Variants in FNBP1L observed in about 807,000 individuals in gnomAD.
FNBP1L encodes formin binding protein 1 like.
Under a neutral mutation model 91.2 loss-of-function variants are expected in FNBP1L, and 36 were observed. That is an observed-to-expected ratio of 0.39 (90% CI 0.30 to 0.52). The LOEUF (loss-of-function observed/expected upper bound fraction) is 0.52, where lower values mean the gene tolerates loss of function less well. Among genes scored for constraint, FNBP1L ranks in the 20% least tolerant of loss-of-function variants. FNBP1L has a pLI of 0.66. For synonymous variants in FNBP1L, 242 were observed against 237.0 expected (o/e 1.02, Z -0.19); for missense variants, 571 against 732.1 (o/e 0.78, Z 2.54).
intron 7 of FNBP1L, among the ~76,000 whole-genome samples, chr1:93,532,432 A>G (rs1671706465): frequency 1.4e-5 from 2 of 138,226 alleles, no homozygotes; most frequent in South Asian, 4.6e-4. Context: ...GCGCAACTGC[A>G]CTCCATCCAG....
intron 10 of FNBP1L, among the ~76,000 whole-genome samples, chr1:93,537,981 C>T (rs1254101034): frequency 6.6e-6 from 1 of 152,132 alleles, no homozygotes; most frequent in Non-Finnish European, 1.5e-5. Flanking sequence ...GCATGAACCA[C>T]TACTCCTCTG....
At chr1:93,530,715 A>AT in intron 6 of FNBP1L, 40 bp from the exon 7 acceptor site, 2 of 1,577,860 alleles carry the variant, frequency 1.3e-6, no homozygotes, top group South Asian at 2.4e-5. Context: ...AATTGCTGTG[A>AT]TTTTGTTGTT....
At chr1:93,454,135 T>C (rs1244074538) in intron 1 of FNBP1L, among the ~76,000 whole-genome samples, 1 of 152,242 alleles carries the variant, frequency 6.6e-6, no homozygotes, top group Non-Finnish European at 1.5e-5. Flanking sequence ...TGCTGTATCC[T>C]GCCTGGATTA....
chr1:93,469,210 T>C (rs562844846), intron 1 of FNBP1L, among the ~76,000 whole-genome samples: 1 of 152,116 alleles, frequency 6.6e-6, no homozygotes, highest in Non-Finnish European at 1.5e-5. Flanking sequence ...ACATTAGATA[T>C]TTCTCCTAAC....
At chr1:93,530,987 C>CT in intron 7 of FNBP1L, 104 bp downstream of exon 7, 1 of 937,104 alleles carries the variant, frequency 1.1e-6, no homozygotes, top group Non-Finnish European at 1.5e-6. Flanking sequence ...CACTAGACAT[C>CT]AGGGTTGGGG....
chr1:93,483,971 C>G (rs1177186810), intron 1 of FNBP1L, among the ~76,000 whole-genome samples: 1 of 152,174 alleles, frequency 6.6e-6, no homozygotes, highest in Non-Finnish European at 1.5e-5. Context: ...CTCTGTTGCC[C>G]AGGCCAGAGT....
chr1:93,494,783 A>G (rs2101720758), intron 1 of FNBP1L, among the ~76,000 whole-genome samples: 1 of 152,336 alleles, frequency 6.6e-6, no homozygotes, highest in African/African-American at 2.4e-5. Context: ...ATTGACTCAC[A>G]GTTAGTTCCA....
intron 2 of FNBP1L, among the ~76,000 whole-genome samples, chr1:93,510,673 T>G (rs1001686892): frequency 2.6e-5 from 4 of 152,102 alleles, no homozygotes; most frequent in Admixed American, 2.6e-4. Flanking sequence ...CAGGAGGACA[T>G]TCAAACCAAA....
intron 1 of FNBP1L, among the ~76,000 whole-genome samples, chr1:93,493,253 G>A (rs1172063173): frequency 6.6e-6 from 1 of 151,824 alleles, no homozygotes; most frequent in Non-Finnish European, 1.5e-5. Flanking sequence ...GGAGACTGAG[G>A]CTGGAGGACG....
At chr1:93,461,353 T>A (rs1163242339) in intron 1 of FNBP1L, among the ~76,000 whole-genome samples, 1 of 152,086 alleles carries the variant, frequency 6.6e-6, no homozygotes, top group Non-Finnish European at 1.5e-5. Context: ...GGGAGCACAG[T>A]TTGAATTTTT....
chr1:93,495,179 TA>T (rs1670221923), intron 1 of FNBP1L, among the ~76,000 whole-genome samples: 1 of 152,176 alleles, frequency 6.6e-6, no homozygotes. Context: ...AAAATAGAAA[TA>T]TTTTTTAGGA....
intron 2 of FNBP1L, among the ~76,000 whole-genome samples, chr1:93,517,357 ACT>A (rs1671163592): frequency 6.7e-6 from 1 of 150,298 alleles, no homozygotes; most frequent in Non-Finnish European, 1.5e-5. Flanking sequence ...ACAGGGTCTC[ACT>A]CTCTTTCCCA....
intron 1 of FNBP1L, among the ~76,000 whole-genome samples, chr1:93,473,244 A>G (rs1269312408): frequency 1.3e-5 from 2 of 152,178 alleles, no homozygotes; most frequent in African/African-American, 4.8e-5. Flanking sequence ...TCTGGTCAAA[A>G]ATCTTTCTGA....
intron 1 of FNBP1L, among the ~76,000 whole-genome samples, chr1:93,480,752 C>T (rs1393855001): frequency 6.6e-6 from 1 of 151,960 alleles, no homozygotes; most frequent in Non-Finnish European, 1.5e-5. Context: ...TTAGTAGAGA[C>T]GGGGTTTCAC....
intron 2 of FNBP1L, among the ~76,000 whole-genome samples, chr1:93,504,548 A>G (rs1670542423): frequency 6.6e-6 from 1 of 152,016 alleles, no homozygotes; most frequent in African/African-American, 2.4e-5. Context: ...CTTTTCTCAT[A>G]CCTCTTTATC....
At chr1:93,490,904 C>T (rs936810286) in intron 1 of FNBP1L, among the ~76,000 whole-genome samples, 3 of 152,130 alleles carry the variant, frequency 2.0e-5, no homozygotes, top group Non-Finnish European at 4.4e-5. Flanking sequence ...TTTTGATAAT[C>T]TAAGACTTCA....
chr1:93,458,843 ATTG>A (rs1405888399), intron 1 of FNBP1L, among the ~76,000 whole-genome samples: 4 of 152,212 alleles, frequency 2.6e-5, no homozygotes, highest in Non-Finnish European at 5.9e-5. Flanking sequence ...TATTATTAGT[ATTG>A]TTGTTAATCT....
chr1:93,542,473 C>G (rs1200822462), intron 11 of FNBP1L, among the ~76,000 whole-genome samples: 1 of 120,458 alleles, frequency 8.3e-6, no homozygotes, highest in Non-Finnish European at 1.7e-5. Flanking sequence ...AAAAGCAACA[C>G]TTAGGATGCC....
chr1:93,539,951 C>G (rs77070007), intron 10 of FNBP1L, among the ~76,000 whole-genome samples: 1 of 152,126 alleles, frequency 6.6e-6, no homozygotes, highest in Admixed American at 6.6e-5. Context: ...AACACCTTCT[C>G]TTAAAACATG....
Sources: allele counts gnomAD v4.1 joint callset (sites outside exome capture counted in the v4.1 genomes callset), GRCh38; gene constraint gnomAD v4.1.1; transcripts MANE v1.5; gene names NCBI Gene and HGNC (gene_info 2026-07-23, HGNC 2026-07-21).